Variants in KAT7 observed in about 807,000 individuals in gnomAD.
The protein encoded by KAT7 is histone acetyltransferase KAT7.
In KAT7, 10 loss-of-function variants were observed where a neutral mutation model predicts 82.1. That is an observed-to-expected ratio of 0.12 (90% CI 0.08 to 0.21). The LOEUF is 0.21. Among genes scored for constraint, KAT7 ranks in the 10% least tolerant of loss-of-function variants. KAT7 has a pLI of 1.00. For synonymous variants in KAT7, 250 were observed against 262.5 expected (o/e 0.95, Z 0.46); for missense variants, 378 against 760.9 (o/e 0.50, Z 5.92).
chr17:49,824,840 C>T (rs148890405), intron 12 of KAT7: 93 of 151,952 alleles, frequency 6.1e-4, no homozygotes, highest in East Asian at 2.9e-3. Context: ...CAGTAATTAC[C>T]GTTTTTTGGG....
At position 49,797,002 on chromosome 17, in the gene KAT7, A is replaced by G. The variant is rs1598054243; in HGVS notation, c.340+76A>G. On this transcript the variant is annotated intron_variant, in intron 3 of 14. Transcript: ENST00000259021. ...TTCTTTTTAAGGAGGGCTTGGGGCC[A>G]CTGCAGGTAGATGCCTAATACTTCA... The G allele has an allele frequency of 4.1e-6, 5 of 1,229,378 alleles. No homozygotes were observed. The East Asian group carries it at 9.4e-5, about 23-fold the overall frequency. The allele number at this position is 1,229,378 out of a possible 1,614,324, so 76.2% of individuals were successfully genotyped here.
At chr17:49,796,547 T>C (rs759265414) in intron 2 of KAT7, among the ~76,000 whole-genome samples, 5 of 152,232 alleles carry the variant, frequency 3.3e-5, no homozygotes, top group Non-Finnish European at 7.3e-5. Flanking sequence ...CCTAAACTTA[T>C]TAATGCTGTA....
intron 5 of KAT7, among the ~76,000 whole-genome samples, chr17:49,807,698 G>C (rs373662574): frequency 1.2e-4 from 18 of 152,318 alleles, no homozygotes; most frequent in African/African-American, 4.1e-4. Context: ...AAACTGCATG[G>C]AAGTTCAGGC....
intron 2 of KAT7, chr17:49,795,629 G>T: frequency 8.2e-6 from 2 of 244,906 alleles, no homozygotes; most frequent in South Asian, 7.2e-5. Flanking sequence ...CTGAAGAAAA[G>T]GGACAAAAAG....
chr17:49,820,550 A>T (rs1397625577), intron 9 of KAT7, among the ~76,000 whole-genome samples: 1 of 152,142 alleles, frequency 6.6e-6, no homozygotes, highest in Non-Finnish European at 1.5e-5. Context: ...AAGTGCTGGG[A>T]TTACAGGCGT....
Position 49,827,811 on chromosome 17 carries a change from A to G in KAT7, c.*309A>G. The G allele has an allele frequency of 3.2e-6, 1 of 313,408 alleles. No homozygotes were observed. The highest frequency in any genetic ancestry group is 5.9e-6 in the Non-Finnish European group (1 of 169,192). The allele number at this position is 313,408 out of a possible 1,614,324, so 19.4% of individuals were successfully genotyped here. Reference sequence around the variant, plus strand: ...CTGTCCAGTCACTGGTTCTCTCCTCATGTCCTCTCGCCCCATGAGGTTGTG... The same window carrying G: ...CTGTCCAGTCACTGGTTCTCTCCTCGTGTCCTCTCGCCCCATGAGGTTGTG... On this transcript the variant is annotated 3_prime_UTR_variant, in exon 15 of 15. Coordinates refer to ENST00000259021, the MANE Select transcript of KAT7 (RefSeq NM_007067.5).
In KAT7 at chr17:49,824,478, GCC is replaced by G. The variant is rs2074343748; in HGVS notation, c.1480+1184_1480+1185del. The G allele has an allele frequency of 3.3e-5, 5 of 152,356 alleles. No homozygotes were observed. In the South Asian group the frequency reaches 8.3e-4, roughly 25 times the overall value. 9.4% of individuals were successfully genotyped at this position (152,356 alleles called of 1,614,324 possible). ...GGGTTCAGGCAATTCTACTGCCTCA[GCC>G]TCACGAGTAGCTGGGATTACAGGCA... On this transcript the variant is annotated intron_variant, in intron 12 of 14. Coordinates refer to ENST00000259021, the MANE Select transcript of KAT7 (RefSeq NM_007067.5).
intron 4 of KAT7, 37 bp downstream of exon 4, chr17:49,798,595 G>A: frequency 1.3e-6 from 2 of 1,560,000 alleles, no homozygotes; most frequent in Non-Finnish European, 1.7e-6. Flanking sequence ...CCTTTGTTCT[G>A]TGGTTCTCTC....
At chr17:49,826,184 C>A (rs780384133) in intron 13 of KAT7, 38 bp downstream of exon 13, 85 of 1,594,676 alleles carry the variant, frequency 5.3e-5, no homozygotes, top group Non-Finnish European at 6.9e-5. Flanking sequence ...GATTGTTACC[C>A]AAGAAGTTAA....
At chr17:49,819,448 A>G (rs2074275254) in intron 9 of KAT7, among the ~76,000 whole-genome samples, 1 of 152,224 alleles carries the variant, frequency 6.6e-6, no homozygotes, top group South Asian at 2.1e-4. Context: ...TTACTGTGTG[A>G]AAGCGGGTAT....
chr17:49,825,903 G>A, intron 12 of KAT7, 97 bp from the exon 13 acceptor site: 4 of 1,268,084 alleles, frequency 3.2e-6, no homozygotes, highest in Middle Eastern at 2.8e-4. Flanking sequence ...GGAGTGGACT[G>A]TGCTTCTTAA....
chr17:49,807,168 A>T (rs540966135), intron 5 of KAT7, among the ~76,000 whole-genome samples: 15 of 152,286 alleles, frequency 9.8e-5, no homozygotes, highest in East Asian at 7.7e-4. Context: ...ATGTTCTCAC[A>T]GGGGGAGGCA....
intron 10 of KAT7, 101 bp downstream of exon 10, chr17:49,821,527 A>G (rs769249421): frequency 2.1e-5 from 32 of 1,492,414 alleles, no homozygotes; most frequent in Non-Finnish European, 3.0e-5. Flanking sequence ...AGGACATAGA[A>G]CTCTTCTCTT....
chr17:49,818,110 C>T (rs760255504), intron 9 of KAT7, 99 bp downstream of exon 9: 6 of 866,812 alleles, frequency 6.9e-6, no homozygotes, highest in African/African-American at 1.7e-5. Flanking sequence ...GGCACCTTCT[C>T]AGTGGTCCTC....
At chr17:49,810,160 T>C (rs574654930) in intron 6 of KAT7, among the ~76,000 whole-genome samples, 1 of 152,348 alleles carries the variant, frequency 6.6e-6, no homozygotes, top group African/African-American at 2.4e-5. Context: ...CTAAATTATG[T>C]ATGTAAAGTA....
chr17:49,830,239 T>C lies in KAT7; in HGVS notation c.*2737T>C, dbSNP rs2074414249. ...AAGACAGTCTCACTCTATCATCCAG[T>C]CCGGAATGCAGTGGCATGATCTCAG... On this transcript the variant is annotated 3_prime_UTR_variant, in exon 15 of 15. Coordinates refer to ENST00000259021, the MANE Select transcript of KAT7 (RefSeq NM_007067.5). 7.5e-6 allele frequency: 1 copy of C among 133,682 alleles called. No homozygotes were observed. The allele number at this position is 133,682 out of a possible 1,614,324, so 8.3% of individuals were successfully genotyped here. A position where few individuals can be genotyped will look rare whatever the true frequency, so the allele number is the denominator to read the frequency against.
chr17:49,789,045 T>G, intron 1 of KAT7, 196 bp downstream of exon 1: 2 of 430,786 alleles, frequency 4.6e-6, no homozygotes, highest in Non-Finnish European at 8.4e-6. Flanking sequence ...CTTGCAACTA[T>G]TCCCGCCCTC....
In KAT7 at chr17:49,830,210, A is replaced by ATTTT. The variant is rs1321415971; in HGVS notation, c.*2708_*2709insTTTT. On this transcript the variant is annotated 3_prime_UTR_variant, in exon 15 of 15. Transcript: ENST00000259021. ...TTTTTTTTTTTTTTTTTTTTTTTTA[A>ATTTT]AAAAAGACAGTCTCACTCTATCATC... is the stretch of plus-strand genomic sequence containing the variant. 4 of 110,356 alleles carry ATTTT rather than the reference A, an allele frequency of 3.6e-5. No individual in the cohort carries two copies. The highest frequency in any genetic ancestry group is 9.7e-5 in the Admixed American group (1 of 10,328). 6.8% of individuals were successfully genotyped at this position (110,356 alleles called of 1,614,324 possible).
At chr17:49,826,268 T>A (rs1259878363) in intron 13 of KAT7, 122 bp downstream of exon 13, 1 of 928,984 alleles carries the variant, frequency 1.1e-6, no homozygotes, top group Non-Finnish European at 1.6e-6. Context: ...GCGGAGACCC[T>A]CACTAAAGCT....
Sources: gnomAD v4.1 joint callset for allele counts (sites outside exome capture counted in the v4.1 genomes callset) on GRCh38, gnomAD v4.1.1 for gene constraint, MANE v1.5 for transcripts, NCBI Gene and HGNC (gene_info 2026-07-23, HGNC 2026-07-21) for gene names.